CMYA5: variants seen among roughly 807,000 people sequenced by gnomAD.
CMYA5 encodes the protein cardiomyopathy associated 5.
CMYA5 carries 246 observed loss-of-function variants against 318.9 expected under a neutral mutation model. The ratio of observed to expected loss-of-function variants is 0.77; its 90% CI spans 0.70 to 0.86. CMYA5 has a LOEUF of 0.86. Among genes scored for constraint, CMYA5 ranks in the 40% least tolerant of loss-of-function variants. CMYA5 has a pLI of 0.00. For missense variants in CMYA5, 4,589 were observed against 4,678.2 expected (o/e 0.98, Z 0.56); for synonymous variants, 1,641 against 1,729.5 (o/e 0.95, Z 1.27).
chr5:79,790,350 A>G (rs768045536), intron 10 of CMYA5, among the ~76,000 whole-genome samples: 20 of 151,882 alleles, frequency 1.3e-4, no homozygotes, highest in Middle Eastern at 3.4e-3. Flanking sequence ...GCTCACTGCA[A>G]TCTCTGCCTC....
chr5:79,710,650 T>G (rs775142087), intron 1 of CMYA5, among the ~76,000 whole-genome samples: 5 of 152,262 alleles, frequency 3.3e-5, no homozygotes, highest in South Asian at 2.1e-4. Flanking sequence ...TTTTGTGTGC[T>G]TCTGTTTTCC....
intron 9 of CMYA5, among the ~76,000 whole-genome samples, chr5:79,784,828 A>C (rs111276209): frequency 3.3e-5 from 5 of 149,766 alleles, no homozygotes; most frequent in Non-Finnish European, 7.4e-5. Context: ...GGCACTCCCT[A>C]GTGAGATGAA....
In CMYA5 at chr5:79,755,917, C is replaced by T. The variant is rs139021991; in HGVS notation, c.11111-2836C>T. On this transcript the variant is annotated intron_variant, in intron 6 of 12. Transcript: ENST00000446378. Reference sequence around the variant, plus strand: ...CAGTTTTTAAGTTTGTTAATTTACCCGAGAAAGAGAGAGAAATGTGAAAGA... The same window carrying T: ...CAGTTTTTAAGTTTGTTAATTTACCTGAGAAAGAGAGAGAAATGTGAAAGA... Among the ~76,000 whole-genome samples the T allele has an allele frequency of 1.7e-3, 256 of 152,024 alleles. 1 individual carries two copies. Among genetic ancestry groups the T allele is most frequent in the African/African-American group, 5.5e-3 (228 of 41,448 alleles).
intron 1 of CMYA5, among the ~76,000 whole-genome samples, chr5:79,712,585 A>C (rs1726371384): frequency 6.6e-6 from 1 of 152,184 alleles, no homozygotes; most frequent in South Asian, 2.1e-4. Context: ...GTATATGGAC[A>C]AACCCCGATT....
chr5:79,785,068 C>T lies in CMYA5; in HGVS notation c.11556-3903C>T, dbSNP rs115684091. On this transcript the variant is annotated intron_variant, in intron 9 of 12. Transcript: ENST00000446378. ...ATCTAGCTGTCCCATCAGGAAAACC[C>T]ATCATTTTCCCTTCTGATCTGAAAT... 9.7e-3 allele frequency among the ~76,000 whole-genome samples: 1,467 copies of T among 151,270 alleles called. 22 individuals carry two copies. The highest frequency in any genetic ancestry group is 0.034 in the African/African-American group (1,403 of 41,150).
Position 79,737,978 on chromosome 5 carries a change from A to C in CMYA5, c.9213A>C (p.Lys3071Asn). 1 of 1,613,480 alleles carries C rather than the reference A, an allele frequency of 6.2e-7. No homozygotes were observed. Among genetic ancestry groups the C allele is most frequent in the South Asian group, 1.1e-5 (1 of 90,932 alleles). The change falls in exon 2 of 13, where the codon AAA becomes AAC. Residue 3071 changes from lysine to asparagine, a missense_variant. Lys to Asn is a moderately conservative substitution (Grantham distance 94). Around this residue, in one of 3 missense-constraint regions of CMYA5, gnomAD observed 2,431 missense variants for 2,495.1 expected, o/e 0.97. Transcript: ENST00000446378. ...YNISPDPEKQ[K>N]APQKLNVEEK... The stretch of plus-strand genomic sequence containing the variant: ...TCTCCCCAGACCCAGAAAAACAGAA[A>C]GCTCCACAGAAATTAAATGTTGAAG...
Position 79,732,696 on chromosome 5 carries a change from A to G in CMYA5, c.3931A>G (p.Thr1311Ala). Residue 1311 changes from threonine to alanine, a missense_variant, in exon 2 of 13, where the codon ACT becomes GCT. Around this residue, in one of 3 missense-constraint regions of CMYA5, gnomAD observed 2,132 missense variants for 2,131.3 expected, o/e 1.00. Coordinates refer to ENST00000446378, the MANE Select transcript of CMYA5 (RefSeq NM_153610.5). ...MEMKHDSKIT[T>A]TPIVLHSASS... is the part of the protein sequence containing the mutation. Reference sequence around the variant, plus strand: ...GATGAAACATGATTCCAAAATAACAACTACACCTATAGTGCTTCATTCAGC... The same window carrying G: ...GATGAAACATGATTCCAAAATAACAGCTACACCTATAGTGCTTCATTCAGC... 6.2e-7 allele frequency: 1 copy of G among 1,613,460 alleles called. No homozygotes were observed. Among genetic ancestry groups the G allele is most frequent in the Non-Finnish European group, 8.5e-7 (1 of 1,179,714 alleles).
chr5:79,701,090 C>CCAAAAA (rs55791310), intron 1 of CMYA5, among the ~76,000 whole-genome samples: 2,072 of 114,872 alleles, frequency 0.018, 64 homozygotes, highest in African/African-American at 0.053. Context: ...ACTAAAAATA[C>CCAAAAA]AAAAAAAAAA....
intron 5 of CMYA5, among the ~76,000 whole-genome samples, chr5:79,749,250 T>C (rs905571837): frequency 1.8e-4 from 27 of 152,158 alleles, no homozygotes; most frequent in African/African-American, 6.5e-4. Context: ...TGGGATTTGG[T>C]GAAGAAAGAT....
chr5:79,723,278 A>C (rs1827677864), intron 1 of CMYA5, among the ~76,000 whole-genome samples: 1 of 151,964 alleles, frequency 6.6e-6, no homozygotes, highest in Admixed American at 6.6e-5. Flanking sequence ...ATCTCTACTA[A>C]AAATACAAAA....
In CMYA5 at chr5:79,734,259, C is replaced by A; in HGVS notation, c.5494C>A (p.Gln1832Lys). 6.2e-7 allele frequency: 1 copy of A among 1,613,492 alleles called. No homozygotes were observed. The highest frequency in any genetic ancestry group is 8.5e-7 in the Non-Finnish European group (1 of 1,179,736). Residue 1832 changes from glutamine to lysine, a missense_variant, in exon 2 of 13, where the codon CAA (glutamine) becomes AAA (lysine). Gln to Lys is a moderately conservative substitution (Grantham distance 53). This residue lies in a region of CMYA5 where 2,132 missense variants were observed against 2,131.3 expected (regional missense o/e 1.00). Coordinates refer to ENST00000446378, the MANE Select transcript of CMYA5 (RefSeq NM_153610.5). ...GACAGAAAAAGCACTTCATTCAGAT[C>A]AAACTGTTAAATTACCTGATGTAAG... Reference protein sequence around the residue: ...KKTEKALHSDQTVKLPDVSTS... With the variant: ...KKTEKALHSDKTVKLPDVSTS...
intron 2 of CMYA5, among the ~76,000 whole-genome samples, chr5:79,743,330 C>T (rs1363850968): frequency 6.6e-6 from 1 of 152,102 alleles, no homozygotes; most frequent in Non-Finnish European, 1.5e-5. Context: ...ACTTTTAGGT[C>T]CCTTTAGTAG....
In CMYA5 at chr5:79,799,759, G is replaced by A. The variant is rs560971955; in HGVS notation, c.*143G>A. ...GCTGCATGCATAGCAATCAGCATGT[G>A]AGCAAAATCGACAAGAAAACCTTGA... On this transcript the variant is annotated 3_prime_UTR_variant, in exon 13 of 13. Transcript: ENST00000446378. 1.8e-4 allele frequency: 191 copies of A among 1,091,016 alleles called. 3 individuals are homozygous for A. The South Asian group carries it at 2.4e-3, about 14-fold the overall frequency. The allele number at this position is 1,091,016 out of a possible 1,614,324, so 67.6% of individuals were successfully genotyped here.
Position 79,729,259 on chromosome 5 carries a change from A to C in CMYA5, c.494A>C (p.Lys165Thr). The C allele has an allele frequency of 6.2e-7, 1 of 1,611,764 alleles. No individual in the cohort carries two copies. The highest frequency in any genetic ancestry group is 2.2e-5 in the East Asian group (1 of 44,870). ...GAATCCCAAGATGTTCCAACAAACA[A>C]AAAAGGCAGTCCTTTAACTTCAGCA... ...SFESQDVPTN[K>T]KGSPLTSASQ... Residue 165 changes from lysine to threonine, a missense_variant, in exon 2 of 13, where the codon AAA becomes ACA. By Grantham distance (78) the Lys-to-Thr change is moderately conservative. Coordinates refer to ENST00000446378, the MANE Select transcript of CMYA5 (RefSeq NM_153610.5).
At chr5:79,791,923 G>A (rs966071156) in intron 11 of CMYA5, among the ~76,000 whole-genome samples, 3 of 152,146 alleles carry the variant, frequency 2.0e-5, no homozygotes, top group East Asian at 1.9e-4. Flanking sequence ...ATGGCAAAAT[G>A]GGAGAAGGTA....
rs763330047 is a variant in CMYA5, at chr5:79,730,580, C to A, written c.1815C>A (p.Asn605Lys). ...VSEYSVPQDL[N>K]HELQEQEGEP... ...AGTATTCAGTACCACAGGATTTGAA[C>A]CATGAATTACAGGAGCAAGAAGGTG... is the stretch of plus-strand genomic sequence containing the variant. Residue 605 changes from asparagine (N) to lysine (K), a missense_variant, in exon 2 of 13, where the codon AAC becomes AAA. Asn to Lys is a moderately conservative substitution (Grantham distance 94). Transcript: ENST00000446378. The A allele has an allele frequency of 6.2e-7, 1 of 1,614,002 alleles. No individual in the cohort carries two copies. The highest frequency in any genetic ancestry group is 8.5e-7 in the Non-Finnish European group (1 of 1,179,886).
chr5:79,775,807 A>G (rs1345396186), intron 9 of CMYA5, among the ~76,000 whole-genome samples: 1 of 152,208 alleles, frequency 6.6e-6, no homozygotes, highest in Non-Finnish European at 1.5e-5. Context: ...CTGGGCAGGC[A>G]GTTTTATGAG....
At chr5:79,701,090 C>CCAAAA (rs55791310) in intron 1 of CMYA5, among the ~76,000 whole-genome samples, 2,947 of 114,900 alleles carry the variant, frequency 0.026, 140 homozygotes, top group African/African-American at 0.084. Context: ...ACTAAAAATA[C>CCAAAA]AAAAAAAAAA....
chr5:79,749,860 G>GT (rs1382863142), intron 5 of CMYA5, among the ~76,000 whole-genome samples: 1 of 152,028 alleles, frequency 6.6e-6, no homozygotes, highest in Non-Finnish European at 1.5e-5. Context: ...TAATAATTTT[G>GT]TAACCACCTC....
Sources: allele counts gnomAD v4.1 joint callset (sites outside exome capture counted in the v4.1 genomes callset), GRCh38; gene constraint gnomAD v4.1.1; regional missense constraint gnomAD v4.1.1; transcripts MANE v1.5; gene names NCBI Gene and HGNC (gene_info 2026-07-23, HGNC 2026-07-21).